Variants in WDFY3 observed in about 807,000 individuals in gnomAD.
WDFY3 encodes WD repeat and FYVE domain containing 3.
WDFY3 carries 66 observed loss-of-function variants against 409.6 expected under a neutral mutation model. The ratio of observed to expected loss-of-function variants is 0.16; its 90% CI spans 0.13 to 0.20. WDFY3 has a LOEUF of 0.20. Ranked by LOEUF, WDFY3 falls within the 10% of genes least tolerant of loss-of-function variation. The pLI is 1.00. For missense variants in WDFY3, 3,031 were observed against 4,298.1 expected, an observed-to-expected ratio of 0.71 and a Z score of 8.24; for synonymous variants, 1,521 against 1,537.1, an observed-to-expected ratio of 0.99 and a Z score of 0.25.
At chr4:84,694,929 T>G (rs2148880922) in intron 58 of WDFY3, among the ~76,000 whole-genome samples, 1 of 152,276 alleles carries the variant, frequency 6.6e-6, no homozygotes, top group East Asian at 1.9e-4. Context: ...CATTGTTTTG[T>G]GTGTTCTCAA....
intron 2 of WDFY3, among the ~76,000 whole-genome samples, chr4:84,921,201 C>T (rs138553836): frequency 3.9e-5 from 6 of 152,062 alleles, no homozygotes; most frequent in African/African-American, 9.7e-5. Flanking sequence ...AGAGCCTTCT[C>T]GGACCCAATC....
intron 17 of WDFY3, 53 bp from the exon 18 acceptor site, chr4:84,798,161 C>A (rs910497376): frequency 2.1e-6 from 3 of 1,404,398 alleles, no homozygotes; most frequent in African/African-American, 2.9e-5. Flanking sequence ...TTATATAATT[C>A]ATTAACCAAA....
At chr4:84,720,909 T>C (rs1734761635) in intron 47 of WDFY3, among the ~76,000 whole-genome samples, 1 of 151,766 alleles carries the variant, frequency 6.6e-6, no homozygotes, top group Non-Finnish European at 1.5e-5. Flanking sequence ...ACAGAGTCAG[T>C]GGAATGAGAC....
chr4:84,762,679 T>C (rs1337325372), intron 32 of WDFY3, among the ~76,000 whole-genome samples: 1 of 152,162 alleles, frequency 6.6e-6, no homozygotes, highest in Admixed American at 6.5e-5. Flanking sequence ...CATTTCTCCA[T>C]TTTAGAGTCT....
chr4:84,673,758 A>G (rs1725808752), intron 67 of WDFY3, among the ~76,000 whole-genome samples: 1 of 152,064 alleles, frequency 6.6e-6, no homozygotes, highest in Non-Finnish European at 1.5e-5. Flanking sequence ...TTGGATTTTC[A>G]GAAGATTGAA....
chr4:84,780,404 A>AATT (rs1158435562), intron 25 of WDFY3, 106 bp from the exon 26 acceptor site: 6 of 1,157,302 alleles, frequency 5.2e-6, no homozygotes, highest in Non-Finnish European at 7.0e-6. Context: ...TTATTTTAAA[A>AATT]ATATCTTCTG....
rs1382562414 is a variant in WDFY3, at chr4:84,671,759, C to T, written c.*1109G>A. ...TTAAATGGTAAAGGTTAATTTTAAG[C>T]AGTTCTGACATGATTCAGTTTTACA... On this transcript the variant is annotated 3_prime_UTR_variant, in exon 68 of 68. Transcript: ENST00000295888. 1 of 152,528 alleles carries T rather than the reference C, an allele frequency of 6.6e-6. No individual in the cohort carries two copies. Among genetic ancestry groups the T allele is most frequent in the Non-Finnish European group, 1.5e-5 (1 of 68,020 alleles). 9.4% of individuals were successfully genotyped at this position (152,528 alleles called of 1,614,324 possible). A position where few individuals can be genotyped will look rare whatever the true frequency, so the allele number is the denominator to read the frequency against.
intron 45 of WDFY3, among the ~76,000 whole-genome samples, chr4:84,726,047 A>T (rs893724627): frequency 1.3e-5 from 2 of 152,172 alleles, no homozygotes; most frequent in African/African-American, 2.4e-5. Context: ...AAACAAGAAC[A>T]CTGCACTATT....
intron 45 of WDFY3, among the ~76,000 whole-genome samples, 166 bp from the exon 46 acceptor site, chr4:84,724,760 T>C (rs1735394586): frequency 6.6e-6 from 1 of 152,224 alleles, no homozygotes; most frequent in Admixed American, 6.5e-5. Flanking sequence ...AGTTTCTCTA[T>C]TTTAAAATTC....
chr4:84,672,195 G>GC lies in WDFY3; in HGVS notation c.*672dup, dbSNP rs1475535760. On this transcript the variant is annotated 3_prime_UTR_variant, in exon 68 of 68. Coordinates refer to ENST00000295888, the MANE Select transcript of WDFY3 (RefSeq NM_014991.6). ...AAGGTCCACATTATTTTGGTTACTA[G>GC]CCTAGTTTAAGTGGAGATACTGTGG... The GC allele has an allele frequency of 1.3e-5, 2 of 152,138 alleles. No individual in the cohort carries two copies. The highest frequency in any genetic ancestry group is 2.9e-5 in the Non-Finnish European group (2 of 68,032). 9.4% of individuals were successfully genotyped at this position (152,138 alleles called of 1,614,324 possible). A position where few individuals can be genotyped will look rare whatever the true frequency, so the allele number is the denominator to read the frequency against.
rs1448428666 is a variant in WDFY3, at chr4:84,672,245, G to A, written c.*623C>T. On this transcript the variant is annotated 3_prime_UTR_variant, in exon 68 of 68. Transcript: ENST00000295888. ...GGCAACTTGAAAGAAATGACATCAGGCACACAGGCTGAGCTTGAAAGGAAA... is the reference window on the plus strand; with the variant it reads ...GGCAACTTGAAAGAAATGACATCAGACACACAGGCTGAGCTTGAAAGGAAA... 6.6e-6 allele frequency: 1 copy of A among 152,118 alleles called. No individual in the cohort carries two copies. The highest frequency in any genetic ancestry group is 1.5e-5 in the Non-Finnish European group (1 of 68,024). 9.4% of individuals were successfully genotyped at this position (152,118 alleles called of 1,614,324 possible).
intron 56 of WDFY3, among the ~76,000 whole-genome samples, chr4:84,700,807 G>C (rs1730958929): frequency 6.6e-6 from 1 of 152,322 alleles, no homozygotes; most frequent in South Asian, 2.1e-4. Flanking sequence ...GTGAACATAA[G>C]AAAACACTAA....
intron 5 of WDFY3, among the ~76,000 whole-genome samples, chr4:84,842,274 C>T (rs920205352): frequency 2.0e-5 from 3 of 151,908 alleles, no homozygotes; most frequent in Non-Finnish European, 2.9e-5. Flanking sequence ...GTCAGGAGTT[C>T]GAGACCAGCC....
At chr4:84,897,691 T>A (rs961849708) in intron 2 of WDFY3, among the ~76,000 whole-genome samples, 13 of 152,154 alleles carry the variant, frequency 8.5e-5, no homozygotes, top group African/African-American at 1.4e-4. Context: ...TGGCTCTAAA[T>A]AACCAGAGTG....
chr4:84,798,392 A>G (rs1749887667), intron 17 of WDFY3, among the ~76,000 whole-genome samples: 1 of 152,226 alleles, frequency 6.6e-6, no homozygotes, highest in African/African-American at 2.4e-5. Context: ...AAATTCCAAC[A>G]GACTAATTAC....
chr4:84,780,554 T>C (rs1195105756), intron 25 of WDFY3, among the ~76,000 whole-genome samples: 1 of 152,006 alleles, frequency 6.6e-6, no homozygotes, highest in African/African-American at 2.4e-5. Context: ...GTCAGGAGTT[T>C]GAGACTAGTC....
intron 32 of WDFY3, among the ~76,000 whole-genome samples, chr4:84,762,585 C>T (rs1742848001): frequency 1.3e-5 from 2 of 151,650 alleles, no homozygotes; most frequent in Non-Finnish European, 2.9e-5. Flanking sequence ...GCACATTGTG[C>T]ACATGTACCC....
At chr4:84,755,032 T>C (rs920497438) in intron 34 of WDFY3, among the ~76,000 whole-genome samples, 3 of 152,156 alleles carry the variant, frequency 2.0e-5, no homozygotes, top group East Asian at 3.9e-4. Context: ...GGATAATAGA[T>C]TGGAAGTACC....
chr4:84,960,807 T>A (rs967195473), intron 1 of WDFY3, among the ~76,000 whole-genome samples: 1 of 152,186 alleles, frequency 6.6e-6, no homozygotes, highest in African/African-American at 2.4e-5. Flanking sequence ...TTATTTCATA[T>A]CATCTTCTGA....
Sources: gnomAD v4.1 joint callset for allele counts (sites outside exome capture counted in the v4.1 genomes callset) on GRCh38, gnomAD v4.1.1 for gene constraint, MANE v1.5 for transcripts, NCBI Gene and HGNC (gene_info 2026-07-23, HGNC 2026-07-21) for gene names.